CWC25: variants seen among roughly 807,000 people sequenced by gnomAD.
CWC25 encodes pre-mRNA-splicing factor CWC25 homolog.
A neutral mutation model predicts 54.6 loss-of-function variants in CWC25; 31 were observed. The ratio of observed to expected loss-of-function variants is 0.57; its 90% CI spans 0.43 to 0.77. CWC25 has a LOEUF of 0.77. Among genes scored for constraint, CWC25 ranks in the 30% least tolerant of loss-of-function variants. The probability of loss-of-function intolerance (pLI) is 0.00; values close to 1 mark genes in which losing one functional copy is unlikely to be tolerated. For missense variants in CWC25, 453 were observed against 529.3 expected, an observed-to-expected ratio of 0.86 and a Z score of 1.41; for synonymous variants, 151 against 187.0, an observed-to-expected ratio of 0.81 and a Z score of 1.57.
At position 38,810,650 on chromosome 17, in the gene CWC25, T is replaced by C. The variant is rs1033481804; in HGVS notation, c.499-55A>G. ...AGATTACTGAGACCAGCCAGCGCAG[T>C]GGCTCATGCCTGTAATCCCAGCACT... On this transcript the variant is annotated intron_variant, in intron 4 of 9. Transcript: ENST00000614790. The C allele has an allele frequency of 4.5e-6, 4 of 886,194 alleles. No homozygotes were observed. In the Admixed American group the frequency reaches 8.0e-5, roughly 18 times the overall value. The allele number at this position is 886,194 out of a possible 1,614,324, so 54.9% of individuals were successfully genotyped here. A position where few individuals can be genotyped will look rare whatever the true frequency, so the allele number is the denominator to read the frequency against.
intron 2 of CWC25, 96 bp from the exon 3 acceptor site, chr17:38,815,193 A>G: frequency 9.5e-7 from 1 of 1,050,178 alleles, no homozygotes; most frequent in Non-Finnish European, 1.4e-6. Context: ...AGAGAACCAC[A>G]GCTAATCAGA....
chr17:38,812,752 T>A, intron 4 of CWC25, 43 bp downstream of exon 4: 2 of 1,137,974 alleles, frequency 1.8e-6, no homozygotes, highest in Non-Finnish European at 1.3e-6. Context: ...TCACGTTATA[T>A]GGCTAAAAGA....
intron 2 of CWC25, 106 bp downstream of exon 2, chr17:38,820,795 C>T: frequency 1.5e-6 from 2 of 1,320,184 alleles, no homozygotes; most frequent in Admixed American, 4.9e-5. Flanking sequence ...TCTGGCATTA[C>T]AACCCATGCC....
chr17:38,810,430 G>C, intron 5 of CWC25, 38 bp downstream of exon 5: 1 of 1,500,030 alleles, frequency 6.7e-7, no homozygotes, highest in Non-Finnish European at 8.9e-7. Flanking sequence ...ATGAGCAAGT[G>C]AATCAACGAG....
chr17:38,815,192 C>T (rs1290091229), intron 2 of CWC25, 95 bp from the exon 3 acceptor site: 1 of 1,080,282 alleles, frequency 9.3e-7, no homozygotes, highest in African/African-American at 1.6e-5. Flanking sequence ...GAGAGAACCA[C>T]AGCTAATCAG....
chr17:38,804,037 C>T (rs535894297), intron 8 of CWC25, among the ~76,000 whole-genome samples: 178 of 152,042 alleles, frequency 1.2e-3, no homozygotes, highest in Admixed American at 2.4e-3. Context: ...AGAGTGAGAC[C>T]TTGTAGGGAG....
intron 6 of CWC25, among the ~76,000 whole-genome samples, chr17:38,809,385 G>A (rs1454250793): frequency 2.1e-5 from 3 of 145,336 alleles, no homozygotes; most frequent in South Asian, 2.1e-4. Context: ...CCGAGATCGC[G>A]CCACTGCACT....
intron 3 of CWC25, among the ~76,000 whole-genome samples, chr17:38,814,591 C>A (rs1911620298): frequency 1.3e-5 from 2 of 150,810 alleles, no homozygotes; most frequent in Non-Finnish European, 3.0e-5. Context: ...AAAAATACAA[C>A]AAAAATTAGC....
chr17:38,813,698 C>T (rs572008479), intron 3 of CWC25, among the ~76,000 whole-genome samples: 9 of 152,176 alleles, frequency 5.9e-5, no homozygotes, highest in Non-Finnish European at 1.3e-4. Context: ...CCCCCACCAC[C>T]ATGCCTAGCT....
chr17:38,815,003 C>T lies in CWC25; in HGVS notation c.286G>A (p.Val96Ile). The T allele has an allele frequency of 3.1e-6, 5 of 1,613,934 alleles. No individual in the cohort carries two copies. The highest frequency in any genetic ancestry group is 3.3e-4 in the Middle Eastern group (2 of 6,060). Residue 96 changes from valine to isoleucine, a missense_variant, in exon 3 of 10, where the codon GTT (valine) becomes ATT (isoleucine). Coordinates refer to ENST00000614790, the MANE Select transcript of CWC25 (RefSeq NM_017748.5). ...YLLGRPIDKY[V>I]FEKMEEKEAG... ...TCCTTCTCCTCCATCTTCTCAAAAA[C>T]ATATTTGTCAATGGGGCGCCCCAGC...
At position 38,802,713 on chromosome 17, in the gene CWC25, C is replaced by T; in HGVS notation, c.1150G>A (p.Gly384Arg). Residue 384 changes from glycine (G) to arginine (R), a missense_variant, in exon 9 of 10, where the codon GGG (glycine) becomes AGG (arginine). Transcript: ENST00000614790. The part of the protein sequence containing the change: ...QRLEKLDSRD[G>R]KFIHRMKLES... ...AGATGCACTCACTGGATGAACTTCC[C>T]ATCCCGGGAGTCCAGCTTCTCTAGC... 6.2e-7 allele frequency: 1 copy of T among 1,613,978 alleles called. No homozygotes were observed. The highest frequency in any genetic ancestry group is 1.3e-5 in the African/African-American group (1 of 75,056).
intron 4 of CWC25, among the ~76,000 whole-genome samples, chr17:38,812,369 A>G (rs1240987714): frequency 6.6e-6 from 1 of 152,180 alleles, no homozygotes; most frequent in Non-Finnish European, 1.5e-5. Context: ...CTCCCACCCA[A>G]AAGACTTTCA....
chr17:38,805,642 G>A (rs1226974363), intron 8 of CWC25, among the ~76,000 whole-genome samples: 2 of 151,942 alleles, frequency 1.3e-5, no homozygotes, highest in African/African-American at 4.8e-5. Context: ...TTTAAAGAGG[G>A]TTTAATTTAA....
At chr17:38,824,705 G>T (rs1308844879) in intron 1 of CWC25, among the ~76,000 whole-genome samples, 1 of 151,872 alleles carries the variant, frequency 6.6e-6, no homozygotes, top group African/African-American at 2.4e-5. Flanking sequence ...AATAAAAAAC[G>T]ACCCCAGGGC....
chr17:38,816,242 C>A (rs1911693338), intron 2 of CWC25, among the ~76,000 whole-genome samples: 3 of 151,976 alleles, frequency 2.0e-5, no homozygotes, highest in Admixed American at 2.0e-4. Context: ...TTGAATATGA[C>A]TTTTTTGTTC....
chr17:38,820,624 T>G (rs1911883880), intron 2 of CWC25, among the ~76,000 whole-genome samples: 1 of 152,216 alleles, frequency 6.6e-6, no homozygotes, highest in Non-Finnish European at 1.5e-5. Flanking sequence ...GAGCTCGGCT[T>G]ACAGCAAGTC....
chr17:38,809,399 G>T (rs1028925647), intron 6 of CWC25, among the ~76,000 whole-genome samples: 6 of 145,996 alleles, frequency 4.1e-5, no homozygotes, highest in African/African-American at 1.5e-4. Flanking sequence ...CTGCACTCCA[G>T]CCTGGGTGAC....
At chr17:38,804,194 T>C (rs1334155884) in intron 8 of CWC25, among the ~76,000 whole-genome samples, 2 of 152,062 alleles carry the variant, frequency 1.3e-5, no homozygotes, top group African/African-American at 4.8e-5. Context: ...TCTGCTTGGC[T>C]TAGGAATGAA....
chr17:38,814,766 AAG>A, intron 3 of CWC25, 93 bp downstream of exon 3: 3 of 909,822 alleles, frequency 3.3e-6, no homozygotes, highest in South Asian at 1.8e-5. Flanking sequence ...AAAAAAAAAA[AAG>A]CGAAGAGAAA....
Sources: gnomAD v4.1 joint callset for allele counts (sites outside exome capture counted in the v4.1 genomes callset) on GRCh38, gnomAD v4.1.1 for gene constraint, MANE v1.5 for transcripts, NCBI Gene and HGNC (gene_info 2026-07-23, HGNC 2026-07-21) for gene names.